Variants in ARHGAP8 observed in about 807,000 individuals in gnomAD.
The protein encoded by ARHGAP8 is rho GTPase-activating protein 8.
A neutral mutation model predicts 46.1 loss-of-function variants in ARHGAP8; 62 were observed. The ratio of observed to expected loss-of-function variants is 1.34; its 90% CI spans 1.10 to 1.66. ARHGAP8 has a LOEUF of 1.66. Among genes scored for constraint, ARHGAP8 ranks in the 40% most tolerant of loss-of-function variants. The probability of loss-of-function intolerance (pLI) is 0.00; values close to 1 mark genes in which losing one functional copy is unlikely to be tolerated. For missense variants in ARHGAP8, 923 were observed against 568.4 expected (o/e 1.62, Z -6.34); for synonymous variants, 375 against 243.1 (o/e 1.54, Z -5.05).
At chr22:44,772,433 G>A (rs9614915) in intron 1 of ARHGAP8, among the ~76,000 whole-genome samples, 5 of 142,760 alleles carry the variant, frequency 3.5e-5, no homozygotes, top group Non-Finnish European at 6.0e-5. Context: ...CAAGTGATCC[G>A]CCCGCCTTGG....
At chr22:44,855,136 C>G (rs191339756) in intron 10 of ARHGAP8, among the ~76,000 whole-genome samples, 4 of 152,298 alleles carry the variant, frequency 2.6e-5, no homozygotes, top group East Asian at 3.9e-4. Context: ...TATAAATTAA[C>G]TTGGTAATAC....
intron 10 of ARHGAP8, among the ~76,000 whole-genome samples, chr22:44,852,198 AAAAAAAAAAAAAAAAAAAAGG>A (rs1396241334): frequency 1.0e-5 from 1 of 95,340 alleles, no homozygotes; most frequent in Non-Finnish European, 2.7e-5. Flanking sequence ...TCAAAAAAAA[AAAAAAAAAAAAAAAAAAAAGG>A]AAGGGAGGAA....
At chr22:44,791,485 C>A (rs756911098) in intron 2 of ARHGAP8, among the ~76,000 whole-genome samples, 1 of 152,084 alleles carries the variant, frequency 6.6e-6, no homozygotes, top group African/African-American at 2.4e-5. Flanking sequence ...AGGTGGATCA[C>A]CTGAGATCAG....
intron 11 of ARHGAP8, among the ~76,000 whole-genome samples, chr22:44,861,796 C>T (rs1025151833): frequency 9.9e-5 from 15 of 152,150 alleles, no homozygotes; most frequent in African/African-American, 1.2e-4. Flanking sequence ...TGGGGTTGCA[C>T]GTGTTGGCGG....
intron 7 of ARHGAP8, among the ~76,000 whole-genome samples, chr22:44,828,425 ATTT>A (rs535537198): frequency 0.091 from 10,735 of 118,114 alleles, 997 homozygotes; most frequent in African/African-American, 0.25. Context: ...GCAGACCAGA[ATTT>A]TTTTTTTTTT....
intron 10 of ARHGAP8, among the ~76,000 whole-genome samples, chr22:44,851,415 A>G (rs937050963): frequency 2.6e-5 from 4 of 152,002 alleles, no homozygotes; most frequent in African/African-American, 9.7e-5. Context: ...TTATTTATTT[A>G]TTTATTTAAT....
intron 3 of ARHGAP8, among the ~76,000 whole-genome samples, chr22:44,803,324 C>T (rs1928689983): frequency 6.6e-6 from 1 of 152,146 alleles, no homozygotes; most frequent in Non-Finnish European, 1.5e-5. Context: ...TACCAACAAG[C>T]ATCAGGAGCA....
At chr22:44,830,024 C>CTT (rs386395573) in intron 7 of ARHGAP8, among the ~76,000 whole-genome samples, 75,362 of 142,380 alleles carry the variant, frequency 0.53, 20,443 homozygotes, top group East Asian at 0.7. Flanking sequence ...TCCTCTCTCT[C>CTT]TTTTTTTTTT....
intron 4 of ARHGAP8, among the ~76,000 whole-genome samples, chr22:44,813,203 T>C (rs1454249886): frequency 6.6e-6 from 1 of 151,984 alleles, no homozygotes; most frequent in Non-Finnish European, 1.5e-5. Flanking sequence ...CCCAGGCCCT[T>C]TCAGTGGACA....
chr22:44,826,553 T>A (rs1297341307), intron 7 of ARHGAP8, among the ~76,000 whole-genome samples: 3 of 151,984 alleles, frequency 2.0e-5, no homozygotes, highest in Non-Finnish European at 2.9e-5. Context: ...GCCTCCTGAG[T>A]AGCTGGGATT....
intron 1 of ARHGAP8, among the ~76,000 whole-genome samples, chr22:44,783,231 C>T (rs1458630701): frequency 6.6e-6 from 1 of 152,128 alleles, no homozygotes; most frequent in Non-Finnish European, 1.5e-5. Context: ...CCTGGCTCTC[C>T]CATAGCCACG....
At chr22:44,809,102 G>A (rs1218403091) in intron 4 of ARHGAP8, 3 of 470,258 alleles carry the variant, frequency 6.4e-6, no homozygotes, top group Non-Finnish European at 1.3e-5. Context: ...ATTACAGGCA[G>A]GAGCCACCAT....
chr22:44,790,359 G>A (rs1927568800), intron 2 of ARHGAP8, among the ~76,000 whole-genome samples: 1 of 110,324 alleles, frequency 9.1e-6, no homozygotes, highest in African/African-American at 3.7e-5. Flanking sequence ...GGGTGTAAAG[G>A]AAGAGTTTAA....
intron 10 of ARHGAP8, among the ~76,000 whole-genome samples, chr22:44,858,685 G>A (rs2070318570): frequency 1.3e-5 from 2 of 151,410 alleles, no homozygotes; most frequent in Admixed American, 1.3e-4. Flanking sequence ...GGTGGGTTTT[G>A]ACTGGAAGGC....
At position 44,862,564 on chromosome 22, in the gene ARHGAP8, G is replaced by C. The variant is rs765285841; in HGVS notation, c.1271G>C (p.Ser424Thr). ...TGLTKPTLPP[S>T]PLMAARRRL ...CTCACCAAGCCTACCCTACCTCCGA[G>C]TCCCCTGATGGCAGCCAGAAGACGT... Residue 424 changes from serine (S) to threonine (T), a missense_variant, in exon 12 of 12, where the codon AGT becomes ACT. By Grantham distance (58) the Ser-to-Thr change is moderately conservative. Transcript: ENST00000356099. 3 of 1,594,038 alleles carry C rather than the reference G, an allele frequency of 1.9e-6. No individual in the cohort carries two copies. The highest frequency in any genetic ancestry group is 1.1e-5 in the South Asian group (1 of 90,054).
At chr22:44,784,081 A>G (rs1927042140) in intron 1 of ARHGAP8, among the ~76,000 whole-genome samples, 1 of 152,024 alleles carries the variant, frequency 6.6e-6, no homozygotes, top group Non-Finnish European at 1.5e-5. Context: ...TCTTAATACC[A>G]CAATAAAACC....
chr22:44,764,918 G>A (rs562578076), intron 1 of ARHGAP8, among the ~76,000 whole-genome samples: 58 of 152,380 alleles, frequency 3.8e-4, no homozygotes, highest in Non-Finnish European at 7.3e-4. Context: ...CCTCCTGGCT[G>A]TTGCTACACA....
chr22:44,853,851 AATCCC>A (rs1332257284), intron 10 of ARHGAP8, among the ~76,000 whole-genome samples: 1 of 151,784 alleles, frequency 6.6e-6, no homozygotes, highest in Non-Finnish European at 1.5e-5. Flanking sequence ...AACATGGAGA[AATCCC>A]ATCTCTACTA....
intron 1 of ARHGAP8, among the ~76,000 whole-genome samples, chr22:44,765,016 G>T (rs1437757131): frequency 1.3e-5 from 2 of 152,228 alleles, no homozygotes; most frequent in Non-Finnish European, 2.9e-5. Flanking sequence ...GGGAAGGGGT[G>T]AAAGGCTTTG....
Sources: gnomAD v4.1 joint callset for allele counts (sites outside exome capture counted in the v4.1 genomes callset) on GRCh38, gnomAD v4.1.1 for gene constraint, MANE v1.5 for transcripts, NCBI Gene and HGNC (gene_info 2026-07-23, HGNC 2026-07-21) for gene names.